CYBB: variants seen among roughly 807,000 people sequenced by gnomAD.
CYBB encodes the protein NADPH oxidase 2.
CYBB carries 5 observed loss-of-function variants against 46.5 expected under a neutral mutation model. The observed-to-expected ratio is 0.11, with a 90% CI of 0.06 to 0.23. The LOEUF is 0.23. Among genes scored for constraint, CYBB ranks in the 10% least tolerant of loss-of-function variants. The pLI is 1.00. For missense variants in CYBB, 307 were observed against 428.3 expected (o/e 0.72, Z 2.50); for synonymous variants, 183 against 156.7 (o/e 1.17, Z -1.26).
In CYBB at chrX:37,811,048, A is replaced by T. The variant is rs1929664145; in HGVS notation, c.*131A>T. On this transcript the variant is annotated 3_prime_UTR_variant, in exon 13 of 13. Transcript: ENST00000378588. ...CTATAATGTAATGGTTTTCCCTTAA[A>T]GGAATGTCAAAGATTGTTTGATAGT... 1 of 629,026 alleles carries T rather than the reference A, an allele frequency of 1.6e-6. No individual in the cohort carries two copies. Among genetic ancestry groups the T allele is most frequent in the African/African-American group, 2.2e-5 (1 of 44,542 alleles). 51.8% of individuals were successfully genotyped at this position (629,026 alleles called of 1,213,427 possible).
chrX:37,789,982 A>G (rs1440558099), intron 3 of CYBB, among the ~76,000 whole-genome samples: 1 of 111,676 alleles, frequency 9.0e-6, no homozygotes, highest in Non-Finnish European at 1.9e-5. Flanking sequence ...CTCCTGGGGC[A>G]AGCCTGAAAT....
intron 1 of CYBB, among the ~76,000 whole-genome samples, chrX:37,781,096 C>A (rs1374053099): frequency 8.9e-6 from 1 of 112,302 alleles, no homozygotes; most frequent in Non-Finnish European, 1.9e-5. Context: ...AATGTTTACG[C>A]CAAACCAACA....
rs1929379979 is a variant in CYBB at position 37,799,083 on chromosome X, T to C, written c.803T>C (p.Met268Thr). 1 of 1,204,447 alleles carries C rather than the reference T, an allele frequency of 8.3e-7. No individual in the cohort carries two copies. Among genetic ancestry groups the C allele is most frequent in the South Asian group, 1.8e-5 (1 of 56,836 alleles). ...CCTCAGTTTGCTGGAAACCCTCCTA[T>C]GGTATGTACAATTCATTGTTGTTAT... ...PIPQFAGNPP[M>T]TWKWIVGPMF... Residue 268 changes from methionine to threonine, a missense_variant and splice_region_variant, in exon 7 of 13, where the codon ATG becomes ACG. Around this residue, in one of 3 missense-constraint regions of CYBB, gnomAD observed 82 missense variants for 69.9 expected, o/e 1.17. Coordinates refer to ENST00000378588, the MANE Select transcript of CYBB (RefSeq NM_000397.4).
chrX:37,803,808 C>A, intron 8 of CYBB, 69 bp from the exon 9 acceptor site: 1 of 1,126,149 alleles, frequency 8.9e-7, no homozygotes, highest in Non-Finnish European at 1.2e-6. Flanking sequence ...AGTTTTTTAT[C>A]CATATGGACA....
At chrX:37,791,485 G>T (rs987794630) in intron 3 of CYBB, among the ~76,000 whole-genome samples, 1 of 111,549 alleles carries the variant, frequency 9.0e-6, no homozygotes, top group Non-Finnish European at 1.9e-5. Context: ...ATGGGCAGGT[G>T]TACCCTTCTT....
In CYBB at chrX:37,793,878, G is replaced by A. The variant is rs1556467754; in HGVS notation, c.483+68G>A. The A allele has an allele frequency of 3.9e-6, 4 of 1,035,594 alleles. No homozygotes were observed. The Admixed American group carries it at 9.0e-5, about 23-fold the overall frequency. The allele number at this position is 1,035,594 out of a possible 1,213,427, so 85.3% of individuals were successfully genotyped here. On this transcript the variant is annotated intron_variant, in intron 5 of 12. Coordinates refer to ENST00000378588, the MANE Select transcript of CYBB (RefSeq NM_000397.4). ...ACAATTGAGGACTAGATTTCAGTGA[G>A]TGAAGACCTCTCCTTTGCCAAAAAA... is the stretch of plus-strand genomic sequence containing the variant.
intron 8 of CYBB, among the ~76,000 whole-genome samples, chrX:37,802,103 G>T (rs1265918708): frequency 8.9e-6 from 1 of 111,806 alleles, no homozygotes; most frequent in Non-Finnish European, 1.9e-5. Flanking sequence ...AAAAGTATTT[G>T]CCAAAACCCT....
intron 4 of CYBB, among the ~76,000 whole-genome samples, chrX:37,792,563 G>A (rs1436153128): frequency 1.8e-5 from 2 of 110,664 alleles, no homozygotes; most frequent in East Asian, 2.8e-4. Context: ...GGATATATAT[G>A]TGTGTATATA....
At chrX:37,792,815 C>A (rs782624515) in intron 4 of CYBB, among the ~76,000 whole-genome samples, 1 of 110,684 alleles carries the variant, frequency 9.0e-6, no homozygotes, top group Non-Finnish European at 1.9e-5. Context: ...GTAGATCTGG[C>A]AGGCTTTTTT....
chrX:37,812,759 G>T lies in CYBB; in HGVS notation c.*1842G>T, dbSNP rs1013059909. On this transcript the variant is annotated 3_prime_UTR_variant, in exon 13 of 13. Transcript: ENST00000378588. ...GTCTGACAAATAAGGCCTGCTGTGCGAATATAGCCTTTCTGAAATGTACCA... is the reference window on the plus strand; with the variant it reads ...GTCTGACAAATAAGGCCTGCTGTGCTAATATAGCCTTTCTGAAATGTACCA... 6 of 111,826 alleles carry T rather than the reference G, an allele frequency of 5.4e-5. No individual in the cohort carries two copies. Among genetic ancestry groups the T allele is most frequent in the African/African-American group, 2.0e-4 (6 of 30,707 alleles). 9.2% of individuals were successfully genotyped at this position (111,826 alleles called of 1,213,427 possible). A position where few individuals can be genotyped will look rare whatever the true frequency, so the allele number is the denominator to read the frequency against.
At chrX:37,789,575 G>A (rs1929151984) in intron 3 of CYBB, among the ~76,000 whole-genome samples, 1 of 97,943 alleles carries the variant, frequency 1.0e-5, no homozygotes. Flanking sequence ...CATGGCAATT[G>A]GGAAACAGGA....
intron 3 of CYBB, among the ~76,000 whole-genome samples, chrX:37,785,439 A>G (rs1929044388): frequency 8.9e-6 from 1 of 112,940 alleles, no homozygotes; most frequent in Admixed American, 9.3e-5. Flanking sequence ...AAGAAATCAC[A>G]GAGGTAAAAT....
intron 11 of CYBB, 84 bp from the exon 12 acceptor site, chrX:37,809,483 A>C (rs890886937): frequency 1.7e-5 from 19 of 1,086,211 alleles, no homozygotes; most frequent in Non-Finnish European, 2.4e-5. Context: ...CCTTGGTTAG[A>C]ATAGCTTGTG....
intron 3 of CYBB, among the ~76,000 whole-genome samples, chrX:37,790,107 C>T (rs782743096): frequency 3.6e-5 from 4 of 111,838 alleles, no homozygotes; most frequent in East Asian, 2.8e-4. Context: ...AACCAAAGAA[C>T]GAAACAAACA....
chrX:37,786,954 G>C (rs781956557), intron 3 of CYBB, among the ~76,000 whole-genome samples: 1 of 110,624 alleles, frequency 9.0e-6, no homozygotes, highest in East Asian at 2.8e-4. Context: ...ATGTAAGAAG[G>C]CATATGTTGG....
chrX:37,786,454 A>T (rs374055105), intron 3 of CYBB, among the ~76,000 whole-genome samples: 9 of 111,925 alleles, frequency 8.0e-5, no homozygotes, highest in African/African-American at 2.9e-4. Context: ...AATGACAAGG[A>T]TGTTATAAAT....
intron 8 of CYBB, 22 bp downstream of exon 8, chrX:37,801,370 A>G: frequency 9.5e-7 from 1 of 1,047,556 alleles, no homozygotes; most frequent in Non-Finnish European, 1.3e-6. Flanking sequence ...TTTAGTAATT[A>G]CTAGTGGTCA....
At chrX:37,809,065 C>T (rs1471573670) in intron 11 of CYBB, among the ~76,000 whole-genome samples, 3 of 112,615 alleles carry the variant, frequency 2.7e-5, no homozygotes, top group African/African-American at 9.7e-5. Flanking sequence ...CACACATACA[C>T]ACACACTAGC....
At position 37,802,465 on chromosome X, in the gene CYBB, CA is replaced by C. The variant is rs1435820758; in HGVS notation, c.897+1121del. ...TAAATATGAGAAACAAGATGTTATC[CA>C]AAAGTATTCCAATGAGAATGCTGTC... On this transcript the variant is annotated intron_variant, in intron 8 of 12. Transcript: ENST00000378588. Among the ~76,000 whole-genome samples, 10 of 111,433 alleles carry C rather than the reference CA, an allele frequency of 9.0e-5. No homozygotes were observed. The East Asian group carries it at 2.2e-3, about 25-fold the overall frequency.
Sources: allele counts gnomAD v4.1 joint callset (sites outside exome capture counted in the v4.1 genomes callset), GRCh38; gene constraint gnomAD v4.1.1; regional missense constraint gnomAD v4.1.1; transcripts MANE v1.5; gene names NCBI Gene and HGNC (gene_info 2026-07-23, HGNC 2026-07-21).